GGA2: variants seen among roughly 807,000 people sequenced by gnomAD.
The protein encoded by GGA2 is golgi associated, gamma adaptin ear containing, ARF binding protein 2.
GGA2 carries 48 observed loss-of-function variants against 79.5 expected under a neutral mutation model. That is an observed-to-expected ratio of 0.60 (90% confidence interval 0.48 to 0.77). The LOEUF is 0.77. Among genes scored for constraint, GGA2 ranks in the 30% least tolerant of loss-of-function variants. The pLI, the probability that GGA2 is intolerant of heterozygous loss-of-function variation, is 0.00. For missense variants in GGA2, 770 were observed against 774.0 expected, an observed-to-expected ratio of 0.99 and a Z score of 0.06; for synonymous variants, 317 against 302.0, an observed-to-expected ratio of 1.05 and a Z score of -0.51.
intron 8 of GGA2, among the ~76,000 whole-genome samples, chr16:23,483,426 A>C (rs187684272): frequency 6.6e-6 from 1 of 152,280 alleles, no homozygotes; most frequent in African/African-American, 2.4e-5. Flanking sequence ...ACAGTAGTTC[A>C]TTTCTACTAA....
At chr16:23,506,979 G>A (rs1489998815) in intron 1 of GGA2, among the ~76,000 whole-genome samples, 1 of 152,052 alleles carries the variant, frequency 6.6e-6, no homozygotes, top group Non-Finnish European at 1.5e-5. Flanking sequence ...AATGGGGGAG[G>A]GGCAGTTCCC....
intron 13 of GGA2, 67 bp from the exon 14 acceptor site, chr16:23,475,128 G>T: frequency 2.1e-6 from 2 of 964,790 alleles, no homozygotes; most frequent in Non-Finnish European, 3.1e-6. Flanking sequence ...TCTGGGTTAG[G>T]CTTATTAAAG....
Position 23,474,770 on chromosome 16 carries a change from C to A in GGA2, c.1450+134G>T, listed in dbSNP as rs557037074. On this transcript the variant is annotated intron_variant, in intron 14 of 16. Coordinates refer to ENST00000309859, the MANE Select transcript of GGA2 (RefSeq NM_015044.4). The stretch of plus-strand genomic sequence containing the variant: ...CCTGGCCACAACCTCTTACTTTCTG[C>A]CCTCATGCAAAATCTCTCCCATTTA... 1.7e-4 allele frequency: 119 copies of A among 702,498 alleles called. No individual in the cohort carries two copies. The African/African-American group carries it at 1.9e-3, about 11-fold the overall frequency. 43.5% of individuals were successfully genotyped at this position (702,498 alleles called of 1,614,324 possible). A position where few individuals can be genotyped will look rare whatever the true frequency, so the allele number is the denominator to read the frequency against.
intron 1 of GGA2, among the ~76,000 whole-genome samples, chr16:23,505,477 T>C (rs1964964833): frequency 6.6e-6 from 1 of 152,110 alleles, no homozygotes. Context: ...TCTGCAGTCA[T>C]GTGGAATAAT....
Position 23,464,379 on chromosome 16 carries a change from A to AT in GGA2, c.*3210dup, listed in dbSNP as rs1387234668. On this transcript the variant is annotated 3_prime_UTR_variant, in exon 17 of 17. Transcript: ENST00000309859. ...GTGAAGCAGGCCCTGGTCTTGGCAG[A>AT]TGATACCAGAAGGGCACTGAGTGCC... 1 of 152,180 alleles carries AT rather than the reference A, an allele frequency of 6.6e-6. No homozygotes were observed. Among genetic ancestry groups the AT allele is most frequent in the Non-Finnish European group, 1.5e-5 (1 of 68,026 alleles). The allele number at this position is 152,180 out of a possible 1,614,324, so 9.4% of individuals were successfully genotyped here.
At chr16:23,519,238 TCAC>T (rs1567374460) in intron 2 of GGA2, among the ~76,000 whole-genome samples, 1 of 152,146 alleles carries the variant, frequency 6.6e-6, no homozygotes, top group Non-Finnish European at 1.5e-5. Context: ...AAACAGGGTT[TCAC>T]CATGTTTTCT....
intron 7 of GGA2, 50 bp from the exon 8 acceptor site, chr16:23,486,202 GAAGCCTGAAC>G: frequency 1.9e-6 from 3 of 1,573,992 alleles, no homozygotes; most frequent in Non-Finnish European, 2.6e-6. Context: ...AACCCTGGCT[GAAGCCTGAAC>G]AAGGGATGGG....
At chr16:23,499,966 G>C (rs534054985) in intron 1 of GGA2, among the ~76,000 whole-genome samples, 1 of 152,254 alleles carries the variant, frequency 6.6e-6, no homozygotes, top group Non-Finnish European at 1.5e-5. Flanking sequence ...GGCCAGATTG[G>C]TTCCTGGGAA....
intron 5 of GGA2, among the ~76,000 whole-genome samples, chr16:23,489,088 C>T (rs1964750933): frequency 6.6e-6 from 1 of 152,162 alleles, no homozygotes; most frequent in Non-Finnish European, 1.5e-5. Context: ...CAGGGAACAA[C>T]AGTCCATCCT....
At chr16:23,512,925 G>A (rs1049515307), upstream of GGA2, among the ~76,000 whole-genome samples, 21 of 151,908 alleles carry the variant, frequency 1.4e-4, no homozygotes, top group Admixed American at 1.0e-3. Flanking sequence ...GGCTGCTCTC[G>A]AACTCCTAAC....
chr16:23,518,400 G>C (rs986565316), intron 2 of GGA2, among the ~76,000 whole-genome samples: 8 of 151,494 alleles, frequency 5.3e-5, no homozygotes, highest in African/African-American at 1.7e-4. Context: ...TGTAAAGATG[G>C]GGGGGTTTCA....
chr16:23,490,321 A>C (rs1964766589), intron 5 of GGA2, among the ~76,000 whole-genome samples: 1 of 152,218 alleles, frequency 6.6e-6, no homozygotes, highest in Non-Finnish European at 1.5e-5. Context: ...CAGGGATTAA[A>C]AACTCCTTAC....
At chr16:23,480,244 C>T in intron 10 of GGA2, 1 of 321,404 alleles carries the variant, frequency 3.1e-6, no homozygotes. Context: ...CCAGGCCCAG[C>T]TCCAAGCAGT....
In GGA2 at chr16:23,486,024, C is replaced by G. The variant is rs1964707035; in HGVS notation, c.789G>C (p.Glu263Asp). 1 of 1,613,930 alleles carries G rather than the reference C, an allele frequency of 6.2e-7. No individual in the cohort carries two copies. Among genetic ancestry groups the G allele is most frequent in the Non-Finnish European group, 8.5e-7 (1 of 1,179,984 alleles). ...RRPGQAPPDQ[E>D]ALQVVYERCE... is the part of the protein sequence containing the mutation. ...GTTACACCTGTATTACCTGCAGGGC[C>G]TCCTGGTCGGGCGGGGCCTGCCCTG... The change falls in exon 8 of 17, where the codon GAG (glutamate) becomes GAC (aspartate). Residue 263 changes from glutamate (E) to aspartate (D), a missense_variant. Transcript: ENST00000309859.
At position 23,495,763 on chromosome 16, in the gene GGA2, G is replaced by A. The variant is rs1315698072; in HGVS notation, c.107C>T (p.Pro36Leu). The A allele has an allele frequency of 6.2e-7, 1 of 1,611,216 alleles. No individual in the cohort carries two copies. The highest frequency in any genetic ancestry group is 2.2e-5 in the East Asian group (1 of 44,870). The change falls in exon 2 of 17, where the codon CCA becomes CTA. Residue 36 changes from proline to leucine, a missense_variant. Transcript: ENST00000309859. ...LELWLNKATD[P>L]SMSEQDWSAI... ...TGACCAATCCTGTTCCGACATGCTT[G>A]GGTCTGTGGCTTTGTCTGTCAAATA...
In GGA2 at chr16:23,516,801, T is replaced by C. The variant is rs144599272; in HGVS notation, c.61+2786A>G. Among the ~76,000 whole-genome samples, 700 of 152,202 alleles carry C rather than the reference T, an allele frequency of 4.6e-3. 4 individuals are homozygous for C. The highest frequency in any genetic ancestry group is 0.016 in the African/African-American group (675 of 41,520). ...CTTCCCCAGCAGGGATGGCTAAAAATTTGGAAGTTGAGTAGAGGGAGGGTA... is the reference window on the plus strand; with the variant it reads ...CTTCCCCAGCAGGGATGGCTAAAAACTTGGAAGTTGAGTAGAGGGAGGGTA... On this transcript the variant is annotated intron_variant, in intron 2 of 5. Transcript: ENST00000569300.
In GGA2 at chr16:23,486,310, T is replaced by G. The variant is rs145115965; in HGVS notation, c.661-158A>C. On this transcript the variant is annotated intron_variant, in intron 7 of 16. Coordinates refer to ENST00000309859, the MANE Select transcript of GGA2 (RefSeq NM_015044.4). ...ACTCACACAGTGGGTGAAAAAATACTCAAAAGCCCAGAGTTCCTGGGGAGG... is the reference window on the plus strand; with the variant it reads ...ACTCACACAGTGGGTGAAAAAATACGCAAAAGCCCAGAGTTCCTGGGGAGG... Among the ~76,000 whole-genome samples the G allele has an allele frequency of 5.9e-5, 9 of 152,286 alleles. No individual in the cohort carries two copies. The East Asian group carries it at 1.7e-3, about 29-fold the overall frequency.
chr16:23,467,753 A>AG, intron 16 of GGA2, 53 bp from the exon 17 acceptor site: 1 of 864,420 alleles, frequency 1.2e-6, no homozygotes, highest in South Asian at 1.3e-5. Flanking sequence ...ACCCAGGAAC[A>AG]GGGGTCAATG....
At chr16:23,507,396 G>A (rs143393197) in intron 1 of GGA2, among the ~76,000 whole-genome samples, 312 of 152,334 alleles carry the variant, frequency 2.0e-3, no homozygotes, top group Non-Finnish European at 3.9e-3. Flanking sequence ...GGGAGGCCAA[G>A]ACTGGCAGAT....
Sources: allele counts gnomAD v4.1 joint callset (sites outside exome capture counted in the v4.1 genomes callset), GRCh38; gene constraint gnomAD v4.1.1; transcripts MANE v1.5; gene names NCBI Gene and HGNC (gene_info 2026-07-23, HGNC 2026-07-21).